Variants in RBFOX1 observed in about 807,000 individuals in gnomAD.
RBFOX1 encodes RNA binding fox-1 homolog 1, also known as RNA binding protein fox-1 homolog 1.
RBFOX1 carries 8 observed loss-of-function variants against 57.7 expected under a neutral mutation model. That is an observed-to-expected ratio of 0.14 (90% confidence interval 0.08 to 0.25). The LOEUF (loss-of-function observed/expected upper bound fraction) is 0.25. Ranked by LOEUF, RBFOX1 falls within the 10% of genes least tolerant of loss-of-function variation. The pLI is 1.00. For missense variants in RBFOX1, 611 were observed against 548.5 expected, an observed-to-expected ratio of 1.11 and a Z score of -1.14; for synonymous variants, 326 against 222.4, an observed-to-expected ratio of 1.47 and a Z score of -4.15.
At chr16:7,396,883 G>A (rs866745227) in intron 4 of RBFOX1, among the ~76,000 whole-genome samples, 2 of 152,190 alleles carry the variant, frequency 1.3e-5, no homozygotes, top group African/African-American at 4.8e-5. Context: ...AGAGGTTGCA[G>A]TGAGCCTAGA....
intron 2 of RBFOX1, among the ~76,000 whole-genome samples, chr16:6,318,852 C>G (rs1415755817): frequency 2.0e-5 from 3 of 150,748 alleles, no homozygotes; most frequent in African/African-American, 7.3e-5. Flanking sequence ...TGGCAAGATG[C>G]CTTATTGGGG....
chr16:6,283,777 A>G (rs923778930), intron 1 of RBFOX1, among the ~76,000 whole-genome samples: 3 of 152,188 alleles, frequency 2.0e-5, no homozygotes, highest in African/African-American at 7.2e-5. Context: ...CTAATTAGAA[A>G]TTGTATATCT....
chr16:5,971,233 G>A (rs1048352654), intron 4 of RBFOX1, among the ~76,000 whole-genome samples: 1 of 152,214 alleles, frequency 6.6e-6, no homozygotes, highest in Admixed American at 6.5e-5. Flanking sequence ...TCACAGTGGT[G>A]AGGATGTATT....
At chr16:7,452,360 G>T (rs1034984) in intron 4 of RBFOX1, among the ~76,000 whole-genome samples, 77,529 of 152,006 alleles carry the variant, frequency 0.51, 20,138 homozygotes, top group East Asian at 0.74. Context: ...TGTGCTAAGA[G>T]CTTAGAACAA....
chr16:7,394,948 A>T (rs1033571261), intron 4 of RBFOX1, among the ~76,000 whole-genome samples: 1 of 152,174 alleles, frequency 6.6e-6, no homozygotes, highest in African/African-American at 2.4e-5. Context: ...CGCATGTGAG[A>T]ATATATACCC....
chr16:6,733,502 C>G (rs918043727), intron 3 of RBFOX1, among the ~76,000 whole-genome samples: 1 of 152,148 alleles, frequency 6.6e-6, no homozygotes, highest in Non-Finnish European at 1.5e-5. Flanking sequence ...TTTGCTAGGT[C>G]AAGCTAGTCA....
intron 1 of RBFOX1, among the ~76,000 whole-genome samples, chr16:6,240,647 A>G (rs945911635): frequency 2.0e-5 from 3 of 151,946 alleles, no homozygotes; most frequent in South Asian, 4.2e-4. Context: ...GCTGCCCACA[A>G]TTATCACTGA....
chr16:5,834,722 G>GATAC lies in RBFOX1; in HGVS notation c.319-32577_319-32574dup, dbSNP rs1555541469. Reference sequence around the variant, plus strand: ...AGATAGATAGATAGATAGATACATAGATACATAGATACATACATACATACA... The same window carrying GATAC: ...AGATAGATAGATAGATAGATACATAGATACATACATAGATACATACATACATACA... On this transcript the variant is annotated intron_variant, in intron 3 of 19. Transcript: ENST00000641259. Among the ~76,000 whole-genome samples the GATAC allele has an allele frequency of 3.1e-4, 41 of 133,722 alleles. 1 individual carries two copies. Among genetic ancestry groups the GATAC allele is most frequent in the African/African-American group, 5.5e-4 (18 of 32,476 alleles). 87.7% of individuals were successfully genotyped at this position (133,722 alleles called of 152,430 possible).
intron 3 of RBFOX1, among the ~76,000 whole-genome samples, chr16:6,778,250 T>A (rs1178039692): frequency 6.6e-6 from 1 of 152,160 alleles, no homozygotes; most frequent in Non-Finnish European, 1.5e-5. Flanking sequence ...ATCCCAAGAA[T>A]GTTTTTCAGT....
intron 3 of RBFOX1, among the ~76,000 whole-genome samples, chr16:6,799,772 G>A (rs1747112099): frequency 6.6e-6 from 1 of 152,026 alleles, no homozygotes; most frequent in Non-Finnish European, 1.5e-5. Context: ...TTAGCCTTTG[G>A]ACCGCTGGAC....
chr16:6,224,184 G>T (rs911893412), intron 1 of RBFOX1, among the ~76,000 whole-genome samples: 19 of 150,960 alleles, frequency 1.3e-4, no homozygotes, highest in African/African-American at 4.6e-4. Context: ...TGGTGATGAG[G>T]GCTCTTTTTT....
intron 3 of RBFOX1, among the ~76,000 whole-genome samples, chr16:5,733,137 G>A (rs1264701443): frequency 3.3e-5 from 5 of 152,162 alleles, no homozygotes; most frequent in Non-Finnish European, 7.4e-5. Flanking sequence ...AAATGAAATA[G>A]GCAGTCAGTC....
rs564181601 is a variant in RBFOX1, at chr16:7,594,947, T to C, written c.469-602T>C. On this transcript the variant is annotated intron_variant, in intron 7 of 15. Transcript: ENST00000550418. ...CTTTTTTGTTTATTAGACCAAAGAG[T>C]TTAAGATTTATTATAAAAAAGGTCT... Among the ~76,000 whole-genome samples the C allele has an allele frequency of 1.6e-4, 24 of 152,188 alleles. 1 individual carries two copies. Among genetic ancestry groups the C allele is most frequent in the African/African-American group, 4.6e-4 (19 of 41,528 alleles).
At chr16:7,020,604 A>G (rs2038717587) in intron 3 of RBFOX1, among the ~76,000 whole-genome samples, 1 of 152,226 alleles carries the variant, frequency 6.6e-6, no homozygotes, top group Non-Finnish European at 1.5e-5. Flanking sequence ...TATCAAAGCA[A>G]CCAGAAGATC....
At chr16:7,120,377 A>C (rs533872941) in intron 4 of RBFOX1, among the ~76,000 whole-genome samples, 5 of 152,198 alleles carry the variant, frequency 3.3e-5, no homozygotes, top group African/African-American at 1.2e-4. Context: ...AAAAGCAATC[A>C]AACCTAAATC....
chr16:6,826,241 G>A (rs1310487103), intron 3 of RBFOX1, among the ~76,000 whole-genome samples: 1 of 152,144 alleles, frequency 6.6e-6, no homozygotes, highest in Non-Finnish European at 1.5e-5. Flanking sequence ...ACTGAGTGTG[G>A]TGCCTTGTAC....
intron 4 of RBFOX1, among the ~76,000 whole-genome samples, chr16:7,360,392 G>A (rs1169544279): frequency 1.3e-5 from 2 of 152,124 alleles, no homozygotes; most frequent in Non-Finnish European, 2.9e-5. Context: ...TAAATGAAGT[G>A]GTCTACAGTG....
At chr16:5,631,230 C>G (rs982474163) in intron 3 of RBFOX1, among the ~76,000 whole-genome samples, 1 of 152,150 alleles carries the variant, frequency 6.6e-6, no homozygotes, top group African/African-American at 2.4e-5. Context: ...TGGTCAGGGT[C>G]TTAGAGGCTC....
chr16:6,603,242 G>A (rs1015945293), intron 2 of RBFOX1, among the ~76,000 whole-genome samples: 15 of 152,126 alleles, frequency 9.9e-5, no homozygotes, highest in Non-Finnish European at 1.9e-4. Context: ...GCAGAACTCA[G>A]TCATCTAAAG....
Sources: allele counts gnomAD v4.1 joint callset (sites outside exome capture counted in the v4.1 genomes callset), GRCh38; gene constraint gnomAD v4.1.1; transcripts MANE v1.5; gene names NCBI Gene and HGNC (gene_info 2026-07-23, HGNC 2026-07-21).